Variants in VAT1L observed in about 807,000 individuals in gnomAD.
VAT1L encodes putative NADPH-dependent quinone oxidoreductase VAT1L.
VAT1L carries 34 observed loss-of-function variants against 44.1 expected under a neutral mutation model. The ratio of observed to expected loss-of-function variants is 0.77; its 90% CI spans 0.59 to 1.03. The LOEUF (loss-of-function observed/expected upper bound fraction) is 1.03. VAT1L is among the 50% of genes least tolerant of loss of function. VAT1L has a pLI of 0.00. For synonymous variants in VAT1L, 253 were observed against 202.2 expected, an observed-to-expected ratio of 1.25 and a Z score of -2.13; for missense variants, 615 against 538.8, an observed-to-expected ratio of 1.14 and a Z score of -1.40.
intron 3 of VAT1L, among the ~76,000 whole-genome samples, chr16:77,848,316 C>A (rs1247139361): frequency 6.6e-6 from 1 of 152,142 alleles, no homozygotes; most frequent in Non-Finnish European, 1.5e-5. Flanking sequence ...TCAGGAAGCT[C>A]CTCTTGCACC....
chr16:77,908,635 G>A (rs903723910), intron 7 of VAT1L, among the ~76,000 whole-genome samples: 1 of 152,064 alleles, frequency 6.6e-6, no homozygotes, highest in Non-Finnish European at 1.5e-5. Context: ...GGAAAAGGAG[G>A]CCGGGCGCGG....
At chr16:77,955,960 C>G (rs1284480200) in intron 7 of VAT1L, among the ~76,000 whole-genome samples, 1 of 152,150 alleles carries the variant, frequency 6.6e-6, no homozygotes, top group Non-Finnish European at 1.5e-5. Context: ...CCTAGTTTCT[C>G]TGTATCCACT....
chr16:77,895,441 C>A (rs431197), intron 7 of VAT1L, among the ~76,000 whole-genome samples: 136,721 of 152,118 alleles, frequency 0.9, 61,936 homozygotes, highest in Non-Finnish European at 0.95. Context: ...CTGGATCATG[C>A]AGATGGATCC....
Position 77,929,103 on chromosome 16 carries a change from C to T in VAT1L, c.1078-42747C>T, listed in dbSNP as rs551256739. Reference sequence around the variant, plus strand: ...TGCTAGGATTACAGGTGTGAGCCACCGTGCCTAGCCGCTCTATTATTTTTA... The same window carrying T: ...TGCTAGGATTACAGGTGTGAGCCACTGTGCCTAGCCGCTCTATTATTTTTA... On this transcript the variant is annotated intron_variant, in intron 7 of 8. Transcript: ENST00000302536. Among the ~76,000 whole-genome samples, 4 of 152,256 alleles carry T rather than the reference C, an allele frequency of 2.6e-5. No homozygotes were observed. In the South Asian group the frequency reaches 6.2e-4, roughly 24 times the overall value.
At chr16:77,867,109 A>G (rs1305579452) in intron 4 of VAT1L, among the ~76,000 whole-genome samples, 2 of 152,202 alleles carry the variant, frequency 1.3e-5, no homozygotes, top group East Asian at 1.9e-4. Context: ...CAAGGTGAAC[A>G]TTCCTCATTT....
chr16:77,953,300 G>A (rs2018065211), intron 7 of VAT1L, among the ~76,000 whole-genome samples: 1 of 152,152 alleles, frequency 6.6e-6, no homozygotes, highest in Admixed American at 6.5e-5. Flanking sequence ...CTGGTTTGTG[G>A]TACTTAGACA....
chr16:77,876,920 C>T (rs1274467154), intron 5 of VAT1L, among the ~76,000 whole-genome samples: 1 of 152,308 alleles, frequency 6.6e-6, no homozygotes, highest in Middle Eastern at 3.4e-3. Context: ...TCTGCTTCCC[C>T]TAAACTACTC....
chr16:77,929,758 A>T (rs1255216518), intron 7 of VAT1L, among the ~76,000 whole-genome samples: 2 of 152,194 alleles, frequency 1.3e-5, no homozygotes, highest in East Asian at 3.9e-4. Context: ...TTTATATTTG[A>T]TGAAACATTT....
At chr16:77,814,167 C>A (rs898506567) in intron 1 of VAT1L, among the ~76,000 whole-genome samples, 3 of 152,150 alleles carry the variant, frequency 2.0e-5, no homozygotes, top group African/African-American at 7.2e-5. Context: ...GCACTTAGCA[C>A]AGTTCTTGAC....
At chr16:77,863,218 T>C (rs1597072611) in intron 4 of VAT1L, among the ~76,000 whole-genome samples, 2 of 152,346 alleles carry the variant, frequency 1.3e-5, no homozygotes, top group African/African-American at 2.4e-5. Flanking sequence ...TGGATGATCT[T>C]CTGTAAGAGC....
At chr16:77,887,021 TATC>T (rs2017216199) in intron 7 of VAT1L, among the ~76,000 whole-genome samples, 1 of 152,210 alleles carries the variant, frequency 6.6e-6, no homozygotes, top group East Asian at 1.9e-4. Flanking sequence ...ACTGGGGTGA[TATC>T]ATGCTTATTG....
chr16:77,790,304 CG>C (rs1202476484), intron 1 of VAT1L, among the ~76,000 whole-genome samples: 1 of 152,090 alleles, frequency 6.6e-6, no homozygotes, highest in Non-Finnish European at 1.5e-5. Context: ...TTTTGCAAAC[CG>C]GGGGATCCTG....
chr16:77,871,795 C>G (rs2017035999), intron 4 of VAT1L, among the ~76,000 whole-genome samples: 1 of 152,096 alleles, frequency 6.6e-6, no homozygotes, highest in Admixed American at 6.5e-5. Context: ...AGTAATTGCT[C>G]AAGAGTGTGG....
chr16:77,842,335 A>G (rs1795714097), intron 3 of VAT1L, among the ~76,000 whole-genome samples: 1 of 152,168 alleles, frequency 6.6e-6, no homozygotes, highest in Non-Finnish European at 1.5e-5. Context: ...GGCCCTGTAC[A>G]AGGCCCTGCA....
chr16:77,838,049 C>G (rs2016659566), intron 3 of VAT1L, among the ~76,000 whole-genome samples: 1 of 152,212 alleles, frequency 6.6e-6, no homozygotes, highest in African/African-American at 2.4e-5. Context: ...CTGCTCCATG[C>G]TCTATGAACT....
At chr16:77,859,054 G>T (rs2016888959) in intron 3 of VAT1L, among the ~76,000 whole-genome samples, 1 of 151,606 alleles carries the variant, frequency 6.6e-6, no homozygotes. Flanking sequence ...AGAATCGCTT[G>T]AACACAGGAG....
rs751700122 is a variant in VAT1L, at chr16:77,825,343, G to A, written c.461G>A (p.Ser154Asn). 3.7e-6 allele frequency: 6 copies of A among 1,614,198 alleles called. No homozygotes were observed. In the Admixed American group the frequency reaches 8.3e-5, roughly 22 times the overall value. ...GTCTACAAGATCCCGGATGACATGA[G>A]CTTCTCCGAGGCTGCTGCATTCCCC... ...EFVYKIPDDM[S>N]FSEAAAFPMN... The change falls in exon 3 of 9, where the codon AGC becomes AAC. Residue 154 changes from serine to asparagine, a missense_variant. Physicochemically the swap from Ser to Asn is conservative, Grantham distance 46 (BLOSUM62 1). Coordinates refer to ENST00000302536, the MANE Select transcript of VAT1L (RefSeq NM_020927.3).
intron 7 of VAT1L, among the ~76,000 whole-genome samples, chr16:77,887,707 C>A (rs1486705780): frequency 6.6e-6 from 1 of 152,150 alleles, no homozygotes; most frequent in Non-Finnish European, 1.5e-5. Flanking sequence ...AGGCTGGCAG[C>A]GTGCTTGACT....
At chr16:77,846,962 G>A (rs912595885) in intron 3 of VAT1L, among the ~76,000 whole-genome samples, 1 of 152,156 alleles carries the variant, frequency 6.6e-6, no homozygotes, top group Non-Finnish European at 1.5e-5. Context: ...ATATGGCATT[G>A]TAGTTGACAT....
Sources: allele counts gnomAD v4.1 joint callset (sites outside exome capture counted in the v4.1 genomes callset), GRCh38; gene constraint gnomAD v4.1.1; transcripts MANE v1.5; gene names NCBI Gene and HGNC (gene_info 2026-07-23, HGNC 2026-07-21).